The following COL12A1 variants were observed in gnomAD, a reference collection of about 807,000 sequenced individuals.
The protein encoded by COL12A1 is collagen alpha-1(XII) chain.
In COL12A1, 114 loss-of-function variants were observed where a neutral mutation model predicts 349.7. The observed-to-expected ratio is 0.33, with a 90% CI of 0.28 to 0.38. The LOEUF is 0.38. Ranked by LOEUF, COL12A1 falls within the 10% of genes least tolerant of loss-of-function variation. The probability of loss-of-function intolerance (pLI) is 1.00; values close to 1 mark genes in which losing one functional copy is unlikely to be tolerated. For missense variants in COL12A1, 3,284 were observed against 3,756.9 expected, an observed-to-expected ratio of 0.87 and a Z score of 3.29; for synonymous variants, 1,369 against 1,329.0, an observed-to-expected ratio of 1.03 and a Z score of -0.66.
At position 75,103,769 on chromosome 6, in the gene COL12A1, G is replaced by T; in HGVS notation, c.8307C>A (p.Ile2769=). 6.2e-7 allele frequency: 1 copy of T among 1,613,242 alleles called. No individual in the cohort carries two copies. Among genetic ancestry groups the T allele is most frequent in the Non-Finnish European group, 8.5e-7 (1 of 1,179,336 alleles). The change falls in exon 55 of 66, where the codon ATC becomes ATA. Residue 2769 remains isoleucine, a synonymous_variant. Coordinates refer to ENST00000322507, the MANE Select transcript of COL12A1 (RefSeq NM_004370.6). ...GAKGPRGERG[I]SGAIGPPGPR... Reference sequence around the variant, plus strand: ...AAAATATACTTACAATTGCCCCACTGATACCTCTTTCACCTCTGGGACCTT... The same window carrying T: ...AAAATATACTTACAATTGCCCCACTTATACCTCTTTCACCTCTGGGACCTT...
In COL12A1 at chr6:75,125,388, C is replaced by T. The variant is rs146593043; in HGVS notation, c.6461-115G>A. ...TTATGAACACGATTAATTCCATAGT[C>T]CTCATACACTTACTCACTGGGGCAC... On this transcript the variant is annotated intron_variant, in intron 39 of 65. Transcript: ENST00000322507. 853 of 929,162 alleles carry T rather than the reference C, an allele frequency of 9.2e-4. 7 individuals carry two copies. The African/African-American group carries it at 0.012, about 13-fold the overall frequency. The allele number at this position is 929,162 out of a possible 1,614,324, so 57.6% of individuals were successfully genotyped here.
chr6:75,203,685 T>A (rs1770637927), intron 1 of COL12A1, among the ~76,000 whole-genome samples: 1 of 152,250 alleles, frequency 6.6e-6, no homozygotes, highest in African/African-American at 2.4e-5. Flanking sequence ...AAGAATCTTA[T>A]TCATCTTTGT....
At chr6:75,136,666 G>C (rs1766622712) in intron 31 of COL12A1, among the ~76,000 whole-genome samples, 1 of 152,182 alleles carries the variant, frequency 6.6e-6, no homozygotes, top group Admixed American at 6.5e-5. Flanking sequence ...CAAAACTGGA[G>C]ATTTATTTTG....
intron 36 of COL12A1, 152 bp downstream of exon 36, chr6:75,130,700 G>A: frequency 1.0e-6 from 1 of 963,226 alleles, no homozygotes; most frequent in South Asian, 1.7e-5. Flanking sequence ...AACAGTCACA[G>A]ACCCAATGTT....
intron 8 of COL12A1, among the ~76,000 whole-genome samples, chr6:75,185,895 C>G (rs1769588139): frequency 6.6e-6 from 1 of 152,190 alleles, no homozygotes; most frequent in Non-Finnish European, 1.5e-5. Context: ...AAATGGTGCT[C>G]AGATAACTGG....
intron 20 of COL12A1, 61 bp downstream of exon 20, chr6:75,151,806 C>A: frequency 6.7e-7 from 1 of 1,498,878 alleles, no homozygotes; most frequent in Non-Finnish European, 8.9e-7. Context: ...CTTCTAACTA[C>A]GAAAAATATC....
chr6:75,128,785 T>C (rs938030264), intron 37 of COL12A1, among the ~76,000 whole-genome samples: 2 of 152,198 alleles, frequency 1.3e-5, no homozygotes, highest in Non-Finnish European at 2.9e-5. Flanking sequence ...TCATCACATG[T>C]TCCATTTTCA....
At chr6:75,134,691 A>G in intron 32 of COL12A1, 35 bp downstream of exon 32, 2 of 1,543,518 alleles carry the variant, frequency 1.3e-6, no homozygotes, top group African/African-American at 1.4e-5. Context: ...AATAGTAGCT[A>G]TTAAAGAAGC....
chr6:75,115,410 A>G (rs1769027585), intron 49 of COL12A1, among the ~76,000 whole-genome samples: 1 of 152,116 alleles, frequency 6.6e-6, no homozygotes, highest in African/African-American at 2.4e-5. Flanking sequence ...GGTCGGAAAC[A>G]CTAAAAAGAA....
At position 75,102,029 on chromosome 6, in the gene COL12A1, A is replaced by G; in HGVS notation, c.8439T>C (p.Asp2813=). 1 of 1,614,212 alleles carries G rather than the reference A, an allele frequency of 6.2e-7. No homozygotes were observed. Among genetic ancestry groups the G allele is most frequent in the Non-Finnish European group, 8.5e-7 (1 of 1,180,036 alleles). Residue 2813 remains aspartate, a synonymous_variant, in exon 57 of 66, where the codon GAT becomes GAC. Transcript: ENST00000322507. Reference sequence around the variant, plus strand: ...GGCCTGGAAGTCCTGGCTCTCCAGCATCACCTTTCATCCCTTGGCGACCCT... The same window carrying G: ...GGCCTGGAAGTCCTGGCTCTCCAGCGTCACCTTTCATCCCTTGGCGACCCT... The part of the protein sequence containing the change: ...GEQGRQGMKG[D]AGEPGLPGRT...
At chr6:75,152,307 A>G (rs763546499) in intron 18 of COL12A1, 26 bp downstream of exon 18, 1 of 1,613,500 alleles carries the variant, frequency 6.2e-7, no homozygotes, top group South Asian at 1.1e-5. Flanking sequence ...AAATGTCTAA[A>G]TGGCTCCAAT....
intron 54 of COL12A1, among the ~76,000 whole-genome samples, chr6:75,104,266 C>T (rs912466279): frequency 1.3e-5 from 2 of 152,102 alleles, no homozygotes; most frequent in African/African-American, 4.8e-5. Flanking sequence ...AGCATGTTAC[C>T]TCACTACTAC....
At chr6:75,205,434 G>T (rs973301369) in intron 1 of COL12A1, among the ~76,000 whole-genome samples, 1 of 151,758 alleles carries the variant, frequency 6.6e-6, no homozygotes, top group Admixed American at 6.6e-5. Flanking sequence ...GAGATAACCA[G>T]GGCCCTGCTG....
intron 51 of COL12A1, among the ~76,000 whole-genome samples, chr6:75,111,161 A>G (rs1465393554): frequency 2.0e-5 from 3 of 151,900 alleles, no homozygotes; most frequent in Non-Finnish European, 4.4e-5. Flanking sequence ...ACATCTCAAT[A>G]AAGCTGTTTA....
intron 8 of COL12A1, among the ~76,000 whole-genome samples, chr6:75,187,157 AATATAT>A (rs35075147): frequency 4.2e-5 from 6 of 143,404 alleles, no homozygotes; most frequent in Admixed American, 7.1e-5. Flanking sequence ...AAAATAAATA[AATATAT>A]ATATATATAT....
chr6:75,132,465 A>G (rs193115874), intron 34 of COL12A1, among the ~76,000 whole-genome samples: 127 of 152,350 alleles, frequency 8.3e-4, no homozygotes, highest in African/African-American at 3.0e-3. Context: ...AAATCTGACA[A>G]CAGCTATTGA....
chr6:75,125,070 G>T, intron 40 of COL12A1, 57 bp downstream of exon 40: 2 of 1,483,070 alleles, frequency 1.3e-6, no homozygotes, highest in South Asian at 3.0e-5. Flanking sequence ...AAAACAGGCT[G>T]ACCTGGTAAT....
In COL12A1 at chr6:75,112,795, A is replaced by G. The variant is rs1402626102; in HGVS notation, c.7950+409T>C. Among the ~76,000 whole-genome samples, 5 of 151,414 alleles carry G rather than the reference A, an allele frequency of 3.3e-5. No homozygotes were observed. The East Asian group carries it at 7.7e-4, about 23-fold the overall frequency. On this transcript the variant is annotated intron_variant, in intron 51 of 65. Coordinates refer to ENST00000322507, the MANE Select transcript of COL12A1 (RefSeq NM_004370.6). ...TAAAATACAAGCAGAAGAAATATCAATTTCTGCATTTCACTGGCATGTTTG... is the reference window on the plus strand; with the variant it reads ...TAAAATACAAGCAGAAGAAATATCAGTTTCTGCATTTCACTGGCATGTTTG...
rs564022881 is a variant in COL12A1, at chr6:75,125,591, A to G, written c.6461-318T>C. 2.0e-5 allele frequency among the ~76,000 whole-genome samples: 3 copies of G among 152,236 alleles called. No homozygotes were observed. In the East Asian group the frequency reaches 5.8e-4, roughly 29 times the overall value. On this transcript the variant is annotated intron_variant, in intron 39 of 65. Coordinates refer to ENST00000322507, the MANE Select transcript of COL12A1 (RefSeq NM_004370.6). ...ATTTTGCCAACATAGTGTTTTGCAT[A>G]TAGTAGGTGTCCAACTGACACTTTT...
Sources: allele counts gnomAD v4.1 joint callset (sites outside exome capture counted in the v4.1 genomes callset), GRCh38; gene constraint gnomAD v4.1.1; transcripts MANE v1.5; gene names NCBI Gene and HGNC (gene_info 2026-07-23, HGNC 2026-07-21).